MSI2: variants seen among roughly 807,000 people sequenced by gnomAD.
MSI2 encodes the protein musashi RNA binding protein 2, also known as RNA-binding protein Musashi homolog 2.
In MSI2, 17 loss-of-function variants were observed where a neutral mutation model predicts 45.6. That is an observed-to-expected ratio of 0.37 (90% CI 0.26 to 0.56). MSI2 has a LOEUF of 0.56. Among genes scored for constraint, MSI2 ranks in the 20% least tolerant of loss-of-function variants. MSI2 has a pLI of 0.77. For synonymous variants in MSI2, 156 were observed against 158.2 expected, an observed-to-expected ratio of 0.99 and a Z score of 0.11; for missense variants, 293 against 444.2, an observed-to-expected ratio of 0.66 and a Z score of 3.06.
chr17:57,538,843 G>GA (rs1488508595), intron 7 of MSI2, among the ~76,000 whole-genome samples: 1 of 152,196 alleles, frequency 6.6e-6, no homozygotes, highest in Non-Finnish European at 1.5e-5. Flanking sequence ...CACATGCTCT[G>GA]AAGTGAGACA....
Position 57,652,303 on chromosome 17 carries a change from G to A in MSI2, c.790+142G>A. ...CCGGGGAGGGGGTGGACGGGGAGGG[G>A]GTGGACCGGGAGGCGCGGGCAAGGC... is the stretch of plus-strand genomic sequence containing the variant. On this transcript the variant is annotated intron_variant, in intron 11 of 13. Coordinates refer to ENST00000284073, the MANE Select transcript of MSI2 (RefSeq NM_138962.4). This position sits in a 1 kb window ranked among gnomAD's most constrained non-coding sequence, Gnocchi z 4.1. The A allele has an allele frequency of 1.1e-6, 1 of 879,928 alleles. No individual in the cohort carries two copies. Among genetic ancestry groups the A allele is most frequent in the Non-Finnish European group, 1.8e-6 (1 of 570,982 alleles). 54.5% of individuals were successfully genotyped at this position (879,928 alleles called of 1,614,324 possible). A position where few individuals can be genotyped will look rare whatever the true frequency, so the allele number is the denominator to read the frequency against.
rs544429955 is a variant in MSI2 at position 57,482,661 on chromosome 17, G to C, written c.406-47015G>C. 2.0e-5 allele frequency among the ~76,000 whole-genome samples: 3 copies of C among 152,188 alleles called. No homozygotes were observed. In the East Asian group the frequency reaches 5.8e-4, roughly 29 times the overall value. ...TCTTCATCTGAAGCATGAGAAGTTTGGGGTGGTCCCTTCCTTCTTTAACCT... is the reference window on the plus strand; with the variant it reads ...TCTTCATCTGAAGCATGAGAAGTTTCGGGTGGTCCCTTCCTTCTTTAACCT... On this transcript the variant is annotated intron_variant, in intron 6 of 13. Transcript: ENST00000284073.
intron 2 of MSI2, 25 bp from the exon 3 acceptor site, chr17:57,257,441 C>CA (rs1555568747): frequency 2.4e-6 from 3 of 1,228,532 alleles, no homozygotes; most frequent in South Asian, 1.3e-5. Context: ...CTCCCCCCCC[C>CA]ATCTCTCTCT....
chr17:57,489,026 G>A (rs1345161894), intron 6 of MSI2, among the ~76,000 whole-genome samples: 1 of 152,154 alleles, frequency 6.6e-6, no homozygotes, highest in African/African-American at 2.4e-5. Flanking sequence ...TCCGTGCCCA[G>A]AGATGCAGCC....
intron 6 of MSI2, among the ~76,000 whole-genome samples, chr17:57,454,965 C>T (rs1488576996): frequency 2.0e-5 from 3 of 152,172 alleles, no homozygotes; most frequent in East Asian, 3.8e-4. Flanking sequence ...CTGTCGCAGG[C>T]GTGGAAGACC....
intron 5 of MSI2, among the ~76,000 whole-genome samples, chr17:57,274,984 C>T (rs1908719236): frequency 6.6e-6 from 1 of 152,160 alleles, no homozygotes; most frequent in African/African-American, 2.4e-5. Context: ...ATTCTTTTCT[C>T]CATAAACAAC....
chr17:57,619,657 G>T (rs561609388), intron 9 of MSI2, among the ~76,000 whole-genome samples: 37 of 152,332 alleles, frequency 2.4e-4, no homozygotes, highest in African/African-American at 8.7e-4. Flanking sequence ...TTTGCCTGCA[G>T]CTCGTGGGCA....
At chr17:57,276,467 C>T (rs1272000931) in intron 5 of MSI2, among the ~76,000 whole-genome samples, 1 of 152,182 alleles carries the variant, frequency 6.6e-6, no homozygotes, top group South Asian at 2.1e-4. Context: ...ACTGTTGTCA[C>T]GAATGTGGCT....
At chr17:57,345,734 G>A (rs1415466096) in intron 5 of MSI2, among the ~76,000 whole-genome samples, 6 of 149,550 alleles carry the variant, frequency 4.0e-5, no homozygotes, top group Non-Finnish European at 5.9e-5. Flanking sequence ...CAGGAGAATC[G>A]CTTCAACTCA....
chr17:57,434,791 T>A (rs963267425), intron 6 of MSI2, among the ~76,000 whole-genome samples: 3 of 150,758 alleles, frequency 2.0e-5, no homozygotes, highest in Non-Finnish European at 3.0e-5. Flanking sequence ...ATTTTTTTTT[T>A]ATCCATTTAC....
At chr17:57,391,025 A>G (rs930783162) in intron 5 of MSI2, among the ~76,000 whole-genome samples, 1 of 152,136 alleles carries the variant, frequency 6.6e-6, no homozygotes, top group African/African-American at 2.4e-5. Context: ...TGTAGAAACC[A>G]TTTTCCCTGG....
chr17:57,513,514 G>A (rs941870068), intron 6 of MSI2, among the ~76,000 whole-genome samples: 2 of 152,140 alleles, frequency 1.3e-5, no homozygotes, highest in African/African-American at 2.4e-5. Flanking sequence ...TGGACACATG[G>A]GTCATTGGCA....
chr17:57,301,403 C>G (rs1466653026), intron 5 of MSI2, among the ~76,000 whole-genome samples: 1 of 152,072 alleles, frequency 6.6e-6, no homozygotes, highest in Non-Finnish European at 1.5e-5. Context: ...TATAAAATAT[C>G]GCATACATAC....
At chr17:57,498,496 G>C (rs2143848567) in intron 6 of MSI2, among the ~76,000 whole-genome samples, 1 of 152,212 alleles carries the variant, frequency 6.6e-6, no homozygotes, top group East Asian at 1.9e-4. Flanking sequence ...TGCATTTTGT[G>C]GTTGGTGGAG....
intron 6 of MSI2, among the ~76,000 whole-genome samples, chr17:57,437,932 G>C (rs936821176): frequency 1.3e-5 from 2 of 152,232 alleles, no homozygotes; most frequent in Non-Finnish European, 2.9e-5. Flanking sequence ...ACCAACATTA[G>C]AGACGCACGC....
chr17:57,485,363 GT>G (rs2085731457), intron 6 of MSI2, among the ~76,000 whole-genome samples: 2 of 152,106 alleles, frequency 1.3e-5, no homozygotes, highest in African/African-American at 4.8e-5. Flanking sequence ...AGATCGCCTG[GT>G]TAACGTATGA....
intron 6 of MSI2, among the ~76,000 whole-genome samples, chr17:57,413,323 T>C (rs1429870383): frequency 6.6e-6 from 1 of 152,136 alleles, no homozygotes; most frequent in East Asian, 1.9e-4. Context: ...GACGATTCAG[T>C]TTTATGCAAT....
At chr17:57,440,123 G>T (rs1248766300) in intron 6 of MSI2, among the ~76,000 whole-genome samples, 1 of 152,134 alleles carries the variant, frequency 6.6e-6, no homozygotes, top group African/African-American at 2.4e-5. Context: ...AAGGCAGTTT[G>T]AACTGTGCTT....
intron 6 of MSI2, among the ~76,000 whole-genome samples, chr17:57,474,528 AC>A (rs1405195935): frequency 6.6e-6 from 1 of 151,128 alleles, no homozygotes; most frequent in African/African-American, 2.4e-5. Context: ...AGCATCCCCC[AC>A]CCCCAGTCAT....
Sources: gnomAD v4.1 joint callset for allele counts (sites outside exome capture counted in the v4.1 genomes callset) on GRCh38, gnomAD v4.1.1 for gene constraint, Gnocchi (gnomAD v3.1) non-coding constraint, MANE v1.5 for transcripts, NCBI Gene and HGNC (gene_info 2026-07-23, HGNC 2026-07-21) for gene names.